The following CROCC2 variants were observed in gnomAD, a reference collection of about 807,000 sequenced individuals.
CROCC2 encodes ciliary rootlet coiled-coil, rootletin family member 2, also known as ciliary rootlet coiled-coil protein 2.
Under a neutral mutation model 177.6 loss-of-function variants are expected in CROCC2, and 163 were observed. The observed-to-expected ratio is 0.92, with a 90% CI of 0.81 to 1.05. The LOEUF (loss-of-function observed/expected upper bound fraction) is 1.05, where lower values mean the gene tolerates loss of function less well. Ranked by LOEUF, CROCC2 falls within the 50% of genes least tolerant of loss-of-function variation. CROCC2 has a pLI of 0.00. For missense variants in CROCC2, 1,929 were observed against 1,797.8 expected, an observed-to-expected ratio of 1.07 and a Z score of -1.32; for synonymous variants, 904 against 787.3, an observed-to-expected ratio of 1.15 and a Z score of -2.48.
At chr2:240,966,606 C>T (rs2059686528) in intron 25 of CROCC2, among the ~76,000 whole-genome samples, 197 bp downstream of exon 25, 1 of 152,124 alleles carries the variant, frequency 6.6e-6, no homozygotes, top group Admixed American at 6.5e-5. Flanking sequence ...CGCCCCCTTC[C>T]TTATACCAGG....
rs1254764947 is a variant in CROCC2 at position 240,933,131 on chromosome 2, G to C, written c.1252G>C (p.Glu418Gln). 1 of 1,550,042 alleles carries C rather than the reference G, an allele frequency of 6.5e-7. No homozygotes were observed. The highest frequency in any genetic ancestry group is 2.0e-5 in the Admixed American group (1 of 50,982). Reference protein sequence around the residue: ...AIERRWRREQELCLQLKSSQA... With the variant: ...AIERRWRREQQLCLQLKSSQA... Reference sequence around the variant, plus strand: ...CCCACAACTTACCCCACCCGAGCAGGAGCTGTGCCTGCAGCTGAAGTCCTC... The same window carrying C: ...CCCACAACTTACCCCACCCGAGCAGCAGCTGTGCCTGCAGCTGAAGTCCTC... The change falls in exon 10 of 32, where the codon GAG becomes CAG. Residue 418 changes from glutamate to glutamine, a missense_variant and splice_region_variant. Glu to Gln is a conservative substitution (Grantham distance 29). Transcript: ENST00000690015.
At chr2:240,926,027 C>G (rs1348093816) in intron 5 of CROCC2, 147 bp downstream of exon 5, 2 of 592,828 alleles carry the variant, frequency 3.4e-6, no homozygotes, top group Non-Finnish European at 6.0e-6. Flanking sequence ...ACACCATGTC[C>G]CCAACCCGGC....
chr2:240,926,854 C>T (rs1472246079), intron 5 of CROCC2, among the ~76,000 whole-genome samples: 2 of 152,374 alleles, frequency 1.3e-5, no homozygotes, highest in African/African-American at 4.8e-5. Context: ...AGCAAGGAGT[C>T]ATCGCCTATG....
chr2:240,919,984 A>C lies in CROCC2; in HGVS notation c.231A>C (p.Ala77=). ...CAGGCTGACCCAGGTACCGTGCAGC[A>C]GGGGTACAGGAGCCGACAGCCACTG... ...AGSLSEEPPQ[A]GVQEPTATVA... is the part of the protein sequence containing the mutation. The change falls in exon 3 of 32, where the codon GCA becomes GCC. Residue 77 remains alanine, a splice_region_variant and synonymous_variant. Coordinates refer to ENST00000690015, the MANE Select transcript of CROCC2 (RefSeq NM_001351305.2). The C allele has an allele frequency of 1.4e-6, 1 of 710,122 alleles. No individual in the cohort carries two copies. The highest frequency in any genetic ancestry group is 2.6e-6 in the Non-Finnish European group (1 of 381,032). The allele number at this position is 710,122 out of a possible 1,614,324, so 44.0% of individuals were successfully genotyped here. A position where few individuals can be genotyped will look rare whatever the true frequency, so the allele number is the denominator to read the frequency against.
intron 10 of CROCC2, 66 bp downstream of exon 10, chr2:240,933,408 C>T (rs530696737): frequency 7.1e-7 from 1 of 1,401,638 alleles, no homozygotes; most frequent in East Asian, 2.5e-5. Flanking sequence ...CCCAGGGCTG[C>T]TGTCAGGACA....
Position 240,935,603 on chromosome 2 carries a change from A to C in CROCC2, c.2169+15A>C, listed in dbSNP as rs1388240906. The C allele has an allele frequency of 2.9e-6, 4 of 1,384,206 alleles. No homozygotes were observed. Among genetic ancestry groups the C allele is most frequent in the Non-Finnish European group, 9.3e-7 (1 of 1,070,804 alleles). 85.7% of individuals were successfully genotyped at this position (1,384,206 alleles called of 1,614,324 possible). ...AGGTGGGCCAGGTGAGGACGTCTGC[A>C]GGGCATGCTGCCGCCGTCTGGGATG... On this transcript the variant is annotated intron_variant, in intron 14 of 31. Coordinates refer to ENST00000690015, the MANE Select transcript of CROCC2 (RefSeq NM_001351305.2).
intron 18 of CROCC2, 39 bp from the exon 19 acceptor site, chr2:240,955,820 C>A: frequency 6.9e-7 from 1 of 1,451,836 alleles, no homozygotes; most frequent in Non-Finnish European, 9.3e-7. Context: ...TCCCCCGAGA[C>A]TCCCCAACTT....
chr2:240,947,684 C>G (rs965109611), intron 15 of CROCC2, among the ~76,000 whole-genome samples: 8 of 152,178 alleles, frequency 5.3e-5, no homozygotes, highest in Non-Finnish European at 1.2e-4. Flanking sequence ...TCTGATGAGG[C>G]CTCCCCACGG....
At chr2:240,938,786 A>G (rs961484939) in intron 14 of CROCC2, among the ~76,000 whole-genome samples, 13 of 152,086 alleles carry the variant, frequency 8.5e-5, no homozygotes, top group South Asian at 2.1e-4. Context: ...CACATCTTTG[A>G]TTAGGTTAAT....
At chr2:240,964,052 G>A in intron 21 of CROCC2, 1 of 572,246 alleles carries the variant, frequency 1.7e-6, no homozygotes, top group Non-Finnish European at 3.1e-6. Context: ...GCCTCCAGGA[G>A]GTGGTGCAGA....
At chr2:240,928,423 TG>T (rs2059407254) in intron 5 of CROCC2, among the ~76,000 whole-genome samples, 1 of 91,238 alleles carries the variant, frequency 1.1e-5, no homozygotes, top group African/African-American at 4.8e-5. Context: ...GCCTGTTTTG[TG>T]TGTGTGTGTG....
intron 31 of CROCC2, 75 bp from the exon 32 acceptor site, chr2:240,992,991 C>T: frequency 1.4e-6 from 1 of 705,810 alleles, no homozygotes; most frequent in Non-Finnish European, 2.6e-6. Flanking sequence ...TCGGTCCCTC[C>T]AGCCCCCGGC....
At chr2:240,927,324 G>A (rs914301610) in intron 5 of CROCC2, among the ~76,000 whole-genome samples, 4 of 152,124 alleles carry the variant, frequency 2.6e-5, no homozygotes, top group Non-Finnish European at 4.4e-5. Context: ...CCTCTGTGTC[G>A]CTTGTTATTT....
intron 14 of CROCC2, among the ~76,000 whole-genome samples, chr2:240,937,797 G>A (rs115176793): frequency 7.7e-4 from 117 of 152,260 alleles, no homozygotes; most frequent in African/African-American, 2.6e-3. Context: ...TTGGAGGAGG[G>A]GCCTGGTGGG....
At chr2:240,988,167 TG>T (rs1367649126) in intron 28 of CROCC2, among the ~76,000 whole-genome samples, 2 of 152,022 alleles carry the variant, frequency 1.3e-5, no homozygotes, top group Non-Finnish European at 2.9e-5. Context: ...CCTGTACCCA[TG>T]GGGTAGGGAG....
rs2059725967 is a variant in CROCC2 at position 240,972,225 on chromosome 2, T to G, written c.4401+3963T>G. On this transcript the variant is annotated intron_variant, in intron 27 of 31. Transcript: ENST00000690015. This position sits in a 1 kb window ranked among gnomAD's most constrained non-coding sequence, Gnocchi z 7.1. The stretch of plus-strand genomic sequence containing the variant: ...GACTTTATGTGTCCCCATCCAAATA[T>G]TTCAGGCTCAAAAGAAAGGCAGAGA... Among the ~76,000 whole-genome samples the G allele has an allele frequency of 6.6e-6, 1 of 152,198 alleles. No individual in the cohort carries two copies. The highest frequency in any genetic ancestry group is 2.4e-5 in the African/African-American group (1 of 41,436).
In CROCC2 at chr2:240,963,773, G is replaced by T. The variant is rs530913069; in HGVS notation, c.3305G>T (p.Ser1102Ile). The T allele has an allele frequency of 3.8e-4, 591 of 1,547,778 alleles. 4 individuals are homozygous for T. In the African/African-American group the frequency reaches 7.5e-3, roughly 20 times the overall value. Reference sequence around the variant, plus strand: ...TGCAGGGCCGAACAGGAGAAGGCCAGGTATGGCGGCCACCCAGGAGCAGCT... The same window carrying T: ...TGCAGGGCCGAACAGGAGAAGGCCATGTATGGCGGCCACCCAGGAGCAGCT... ...TICRAEQEKA[S>I]FKRSKEEKEQ... is the part of the protein sequence containing the mutation. Residue 1102 changes from serine to isoleucine, a missense_variant and splice_region_variant, in exon 21 of 32, where the codon AGT becomes ATT. By Grantham distance (142) the Ser-to-Ile change is moderately radical. Around this residue, in one of 3 missense-constraint regions of CROCC2, gnomAD observed 1,397 missense variants for 1,239.9 expected, o/e 1.13. Coordinates refer to ENST00000690015, the MANE Select transcript of CROCC2 (RefSeq NM_001351305.2).
intron 14 of CROCC2, among the ~76,000 whole-genome samples, chr2:240,939,486 G>C (rs978390889): frequency 1.3e-5 from 1 of 79,384 alleles, no homozygotes; most frequent in African/African-American, 7.3e-5. Flanking sequence ...TTTGGAATCA[G>C]AGTTGTGCTC....
chr2:240,955,844 C>T lies in CROCC2; in HGVS notation c.2830-15C>T, dbSNP rs767369332. On this transcript the variant is annotated splice_polypyrimidine_tract_variant and intron_variant, in intron 18 of 31. Coordinates refer to ENST00000690015, the MANE Select transcript of CROCC2 (RefSeq NM_001351305.2). ...ACTCCCCAACTTTCTCACAAGCATA[C>T]CCCGTCCTGTTCAGGCCCTGTCCCT... is the stretch of plus-strand genomic sequence containing the variant. 6.6e-7 allele frequency: 1 copy of T among 1,525,834 alleles called. No homozygotes were observed. Among genetic ancestry groups the T allele is most frequent in the African/African-American group, 1.4e-5 (1 of 72,928 alleles). 94.5% of individuals were successfully genotyped at this position (1,525,834 alleles called of 1,614,324 possible). A position where few individuals can be genotyped will look rare whatever the true frequency, so the allele number is the denominator to read the frequency against.
Sources: gnomAD v4.1 joint callset for allele counts (sites outside exome capture counted in the v4.1 genomes callset) on GRCh38, gnomAD v4.1.1 for gene constraint, gnomAD v4.1.1 regional missense constraint, Gnocchi (gnomAD v3.1) non-coding constraint, MANE v1.5 for transcripts, NCBI Gene and HGNC (gene_info 2026-07-23, HGNC 2026-07-21) for gene names.